LPP: variants seen among roughly 807,000 people sequenced by gnomAD.
The protein encoded by LPP is LIM domain containing preferred translocation partner in lipoma, also known as lipoma-preferred partner.
Under a neutral mutation model 60.4 loss-of-function variants are expected in LPP, and 38 were observed. The observed-to-expected ratio is 0.63, with a 90% CI of 0.49 to 0.83. LPP has a LOEUF of 0.83. LPP is among the 40% of genes least tolerant of loss of function. The pLI is 0.00. For synonymous variants in LPP, 328 were observed against 290.8 expected, an observed-to-expected ratio of 1.13 and a Z score of -1.30; for missense variants, 902 against 783.6, an observed-to-expected ratio of 1.15 and a Z score of -1.80.
Position 188,885,473 on chromosome 3 carries a change from C to T in LPP, c.*10994C>T. ...TGGCTTTGGTTGAGATGCACGTTCACAGACTAGAAAAGTGCCTCACCTCCA... is the reference window on the plus strand; with the variant it reads ...TGGCTTTGGTTGAGATGCACGTTCATAGACTAGAAAAGTGCCTCACCTCCA... On this transcript the variant is annotated 3_prime_UTR_variant, in exon 12 of 12. Transcript: ENST00000617246. The T allele has an allele frequency of 5.4e-6, 1 of 186,216 alleles. No homozygotes were observed. The highest frequency in any genetic ancestry group is 2.0e-4 in the South Asian group (1 of 5,108). 11.5% of individuals were successfully genotyped at this position (186,216 alleles called of 1,614,324 possible). A position where few individuals can be genotyped will look rare whatever the true frequency, so the allele number is the denominator to read the frequency against.
At chr3:188,694,626 C>T (rs1037329755) in intron 7 of LPP, among the ~76,000 whole-genome samples, 1 of 151,166 alleles carries the variant, frequency 6.6e-6, no homozygotes, top group African/African-American at 2.4e-5. Context: ...CACTTGAACC[C>T]GGGAGTCAGA....
chr3:188,607,418 A>ATATATATATAAT (rs1842732460), intron 6 of LPP, among the ~76,000 whole-genome samples: 1 of 38,496 alleles, frequency 2.6e-5, no homozygotes, highest in Non-Finnish European at 8.0e-5. Context: ...TATATATATA[A>ATATATATATAAT]TTTTTTTTTC....
intron 6 of LPP, among the ~76,000 whole-genome samples, chr3:188,526,049 C>T (rs957075911): frequency 6.6e-6 from 1 of 152,180 alleles, no homozygotes; most frequent in Non-Finnish European, 1.5e-5. Context: ...CCTCAGAAGA[C>T]AGCCATCAGA....
chr3:188,866,166 C>G, intron 9 of LPP, 34 bp from the exon 10 acceptor site: 1 of 1,430,676 alleles, frequency 7.0e-7, no homozygotes, highest in South Asian at 1.6e-5. Flanking sequence ...CCCCTTCTGT[C>G]CCAGTCTGAC....
intron 2 of LPP, among the ~76,000 whole-genome samples, chr3:188,243,275 A>G (rs1156750107): frequency 6.6e-6 from 1 of 152,160 alleles, no homozygotes; most frequent in Non-Finnish European, 1.5e-5. Flanking sequence ...ACCGATTTAA[A>G]ACTGTTTCTA....
intron 4 of LPP, among the ~76,000 whole-genome samples, chr3:188,468,558 C>T (rs762536737): frequency 5.3e-5 from 8 of 152,056 alleles, no homozygotes; most frequent in African/African-American, 1.2e-4. Flanking sequence ...AACATTGTGC[C>T]GTGTCAGTTA....
At chr3:188,387,173 T>C (rs1252421072) in intron 3 of LPP, among the ~76,000 whole-genome samples, 2 of 152,060 alleles carry the variant, frequency 1.3e-5, no homozygotes, top group Non-Finnish European at 2.9e-5. Flanking sequence ...CAACATTCTA[T>C]CAAGTTCAGA....
At chr3:188,834,808 T>G (rs6444331) in intron 9 of LPP, among the ~76,000 whole-genome samples, 76,108 of 152,016 alleles carry the variant, frequency 0.5, 20,085 homozygotes, top group East Asian at 0.84. Context: ...CCACGTATGA[T>G]GATTTAGGTA....
chr3:188,635,655 G>C (rs995149906), intron 7 of LPP, among the ~76,000 whole-genome samples: 2 of 152,176 alleles, frequency 1.3e-5, no homozygotes, highest in South Asian at 2.1e-4. Flanking sequence ...GAATCTAGAA[G>C]TTCTGGTTTT....
intron 5 of LPP, among the ~76,000 whole-genome samples, chr3:188,488,955 C>A (rs181379469): frequency 6.6e-6 from 1 of 152,198 alleles, no homozygotes; most frequent in East Asian, 1.9e-4. Context: ...TTATTCTTAT[C>A]TGACCCCACA....
At chr3:188,674,976 G>A (rs1857697879) in intron 7 of LPP, among the ~76,000 whole-genome samples, 1 of 152,214 alleles carries the variant, frequency 6.6e-6, no homozygotes, top group Non-Finnish European at 1.5e-5. Flanking sequence ...TAAGTCCTTG[G>A]CAATATTACT....
intron 7 of LPP, among the ~76,000 whole-genome samples, chr3:188,690,683 A>G: frequency 6.6e-6 from 1 of 152,154 alleles, no homozygotes; most frequent in East Asian, 1.9e-4. Flanking sequence ...GAATAGTCAA[A>G]GTGTTCTCTC....
intron 6 of LPP, among the ~76,000 whole-genome samples, chr3:188,571,637 C>G (rs1197588124): frequency 6.6e-6 from 1 of 151,994 alleles, no homozygotes. Flanking sequence ...TAATAAAAAG[C>G]CAATCTAATT....
At chr3:188,513,903 A>G (rs1218985818) in intron 5 of LPP, among the ~76,000 whole-genome samples, 1 of 152,200 alleles carries the variant, frequency 6.6e-6, no homozygotes, top group African/African-American at 2.4e-5. Context: ...AAAGATAGTG[A>G]CAGGCAAGTT....
At chr3:188,573,126 A>C (rs949993411) in intron 6 of LPP, among the ~76,000 whole-genome samples, 4 of 152,046 alleles carry the variant, frequency 2.6e-5, no homozygotes, top group Non-Finnish European at 4.4e-5. Flanking sequence ...AGTGCTTTAG[A>C]TGGGTAGAGT....
rs544629815 is a variant in LPP, at chr3:188,675,753, G to C, written c.1114-32514G>C. ...CTAAAGTTCTTAGTGAGCTCTGATT[G>C]CTCATTTGCATTACATAGGCATATA... is the stretch of plus-strand genomic sequence containing the variant. On this transcript the variant is annotated intron_variant, in intron 7 of 11. Transcript: ENST00000617246. 2.0e-5 allele frequency among the ~76,000 whole-genome samples: 3 copies of C among 152,262 alleles called. No individual in the cohort carries two copies. The East Asian group carries it at 5.8e-4, about 29-fold the overall frequency.
intron 9 of LPP, among the ~76,000 whole-genome samples, chr3:188,771,221 G>T (rs997453809): frequency 6.6e-6 from 1 of 151,936 alleles, no homozygotes; most frequent in African/African-American, 2.4e-5. Flanking sequence ...TAAAAGGAAT[G>T]AATTCATTTG....
intron 6 of LPP, among the ~76,000 whole-genome samples, chr3:188,599,751 G>GGGGTGGGT (rs374294307): frequency 3.6e-5 from 5 of 139,828 alleles, no homozygotes; most frequent in African/African-American, 5.4e-5. Flanking sequence ...ACTCGTTAGG[G>GGGGTGGGT]GTGTGTGTGT....
At chr3:188,873,850 C>T (rs557100347) in intron 11 of LPP, among the ~76,000 whole-genome samples, 2 of 152,200 alleles carry the variant, frequency 1.3e-5, no homozygotes, top group South Asian at 2.1e-4. Context: ...GTAAATACAC[C>T]GAACCCACTG....
Sources: gnomAD v4.1 joint callset for allele counts (sites outside exome capture counted in the v4.1 genomes callset) on GRCh38, gnomAD v4.1.1 for gene constraint, MANE v1.5 for transcripts, NCBI Gene and HGNC (gene_info 2026-07-23, HGNC 2026-07-21) for gene names.